The following OSBPL5 variants were observed in gnomAD, a reference collection of about 807,000 sequenced individuals.
The protein encoded by OSBPL5 is oxysterol-binding protein-related protein 5.
In OSBPL5, 71 loss-of-function variants were observed where a neutral mutation model predicts 111.2. The observed-to-expected ratio is 0.64, with a 90% CI of 0.53 to 0.78. The LOEUF is 0.78. Among genes scored for constraint, OSBPL5 ranks in the 30% least tolerant of loss-of-function variants. The pLI, the probability that OSBPL5 is intolerant of heterozygous loss-of-function variation, is 0.00. For missense variants in OSBPL5, 1,210 were observed against 1,189.3 expected (o/e 1.02, Z -0.26); for synonymous variants, 549 against 513.9 (o/e 1.07, Z -0.93).
chr11:3,104,699 CTG>C lies in OSBPL5; in HGVS notation c.1060-324_1060-323del, dbSNP rs539267444. Among the ~76,000 whole-genome samples, 1 of 152,306 alleles carries C rather than the reference CTG, an allele frequency of 6.6e-6. No homozygotes were observed. Among genetic ancestry groups the C allele is most frequent in the South Asian group, 2.1e-4 (1 of 4,828 alleles). On this transcript the variant is annotated intron_variant, in intron 9 of 21. Transcript: ENST00000263650. The surrounding 1 kb of genome is among the most constrained non-coding windows in gnomAD (Gnocchi z 5.0). ...CCCAACACCTGCTGTTGAAACCTGT[CTG>C]TGCATCGTGGGACCCTGGGCCCAGG...
In OSBPL5 at chr11:3,130,343, C is replaced by T. The variant is rs1028684943; in HGVS notation, c.-21-1174G>A. Among the ~76,000 whole-genome samples the T allele has an allele frequency of 1.1e-4, 17 of 152,258 alleles. No individual in the cohort carries two copies. Among genetic ancestry groups the T allele is most frequent in the Admixed American group, 1.1e-3 (17 of 15,288 alleles). Reference sequence around the variant, plus strand: ...CTGCTTCCTGCTGCCTCAGGGCAGGCCAGTGGCATCCTGCCAAGCCCGGGA... The same window carrying T: ...CTGCTTCCTGCTGCCTCAGGGCAGGTCAGTGGCATCCTGCCAAGCCCGGGA... On this transcript the variant is annotated intron_variant, in intron 1 of 21. Coordinates refer to ENST00000263650, the MANE Select transcript of OSBPL5 (RefSeq NM_020896.4). This position sits in a 1 kb window ranked among gnomAD's most constrained non-coding sequence, Gnocchi z 4.5.
chr11:3,150,345 T>C (rs1252536655), intron 1 of OSBPL5, among the ~76,000 whole-genome samples: 1 of 152,174 alleles, frequency 6.6e-6, no homozygotes, highest in African/African-American at 2.4e-5. Flanking sequence ...TAAACATGTC[T>C]GATGCAACCA....
chr11:3,143,691 G>A (rs112459483), intron 1 of OSBPL5, among the ~76,000 whole-genome samples: 6,513 of 152,342 alleles, frequency 0.043, 188 homozygotes, highest in African/African-American at 0.078. Flanking sequence ...GCTTGCCAGG[G>A]CCCGGCCCGG....
rs150218714 is a variant in OSBPL5 at position 3,121,954 on chromosome 11, G to A, written c.402+43C>T. On this transcript the variant is annotated intron_variant, in intron 5 of 21. Transcript: ENST00000263650. The surrounding 1 kb of genome is among the most constrained non-coding windows in gnomAD (Gnocchi z 4.3). ...TGGTCCTTTGTTATGGCAGCAGCAC[G>A]CTGACCCGTGTCCTGGGTGGCCGGA... 1,337 of 1,506,046 alleles carry A rather than the reference G, an allele frequency of 8.9e-4. 2 individuals carry two copies. The highest frequency in any genetic ancestry group is 9.5e-4 in the Non-Finnish European group (1,060 of 1,117,678). The allele number at this position is 1,506,046 out of a possible 1,614,324, so 93.3% of individuals were successfully genotyped here.
Position 3,092,984 on chromosome 11 carries a change from G to A in OSBPL5, c.2015C>T (p.Ala672Val). ...CCGCTGCCGCTGTGCCTCCTCCAGTGCAAACTTCTCCTGTGTGGCCCTGTG... is the reference window on the plus strand; with the variant it reads ...CCGCTGCCGCTGTGCCTCCTCCAGTACAAACTTCTCCTGTGTGGCCCTGTG... ...DQHRATQEKFALEEAQRQRAR... is the reference protein window; with the variant it reads ...DQHRATQEKFVLEEAQRQRAR... Residue 672 changes from alanine to valine, a missense_variant, in exon 18 of 22, where the codon GCA becomes GTA. Transcript: ENST00000263650. The surrounding 1 kb of genome is among the most constrained non-coding windows in gnomAD (Gnocchi z 5.4). 1 of 1,605,316 alleles carries A rather than the reference G, an allele frequency of 6.2e-7. No individual in the cohort carries two copies. Among genetic ancestry groups the A allele is most frequent in the Non-Finnish European group, 8.5e-7 (1 of 1,177,452 alleles).
In OSBPL5 at chr11:3,129,054, A is replaced by C; in HGVS notation, c.95T>G (p.Leu32Trp). 1 of 1,587,388 alleles carries C rather than the reference A, an allele frequency of 6.3e-7. No individual in the cohort carries two copies. The highest frequency in any genetic ancestry group is 1.1e-5 in the South Asian group (1 of 88,348). ...GAGCTCATTGTCTCCGCTGAGGAGCAAGTTCCGGGTGAGCTTCCGGGGGTC... is the reference window on the plus strand; with the variant it reads ...GAGCTCATTGTCTCCGCTGAGGAGCCAGTTCCGGGTGAGCTTCCGGGGGTC... ...KVDPRKLTRN[L>W]LLSGDNELYP... The change falls in exon 2 of 22, where the codon TTG becomes TGG. Residue 32 changes from leucine (L) to tryptophan (W), a missense_variant. Transcript: ENST00000263650.
Position 3,158,011 on chromosome 11 carries a change from C to T in OSBPL5, c.-22+7205G>A, listed in dbSNP as rs115982506. 8.2e-3 allele frequency among the ~76,000 whole-genome samples: 1,245 copies of T among 152,306 alleles called. 25 individuals carry two copies. Among genetic ancestry groups the T allele is most frequent in the African/African-American group, 0.029 (1,186 of 41,576 alleles). ...TGAGCCTTCGTGGGAGCCTGGCTGC[C>T]GGGCTGGGGAGAATGACCCACTCTG... On this transcript the variant is annotated intron_variant, in intron 1 of 21. Transcript: ENST00000263650.
rs1330498067 is a variant in OSBPL5 at position 3,107,974 on chromosome 11, C to T, written c.692-29G>A. On this transcript the variant is annotated intron_variant, in intron 7 of 21. Coordinates refer to ENST00000263650, the MANE Select transcript of OSBPL5 (RefSeq NM_020896.4). The surrounding 1 kb of genome is among the most constrained non-coding windows in gnomAD (Gnocchi z 6.1). ...CGGGGCACACGGGATGAGCATGCCC[C>T]ACCCCCACCTCTGTATATCCCGCAT... is the stretch of plus-strand genomic sequence containing the variant. 4.7e-6 allele frequency: 3 copies of T among 633,656 alleles called. No individual in the cohort carries two copies. Among genetic ancestry groups the T allele is most frequent in the Non-Finnish European group, 4.5e-6 (2 of 447,088 alleles). 39.3% of individuals were successfully genotyped at this position (633,656 alleles called of 1,614,324 possible). A position where few individuals can be genotyped will look rare whatever the true frequency, so the allele number is the denominator to read the frequency against.
At chr11:3,137,530 G>A (rs959122775) in intron 1 of OSBPL5, among the ~76,000 whole-genome samples, 2 of 152,216 alleles carry the variant, frequency 1.3e-5, no homozygotes, top group Non-Finnish European at 2.9e-5. Flanking sequence ...TGGGCCGGGT[G>A]TACTGCACCT....
rs1857651576 is a variant in OSBPL5 at position 3,105,197 on chromosome 11, G to T, written c.1060-820C>A. 6.6e-6 allele frequency among the ~76,000 whole-genome samples: 1 copy of T among 152,226 alleles called. No homozygotes were observed. Among genetic ancestry groups the T allele is most frequent in the South Asian group, 2.1e-4 (1 of 4,832 alleles). ...CACGGCTGCTATGCGGCAGAGGTCA[G>T]ATCTGAACTCAGGGCTCTCTGCATT... is the stretch of plus-strand genomic sequence containing the variant. On this transcript the variant is annotated intron_variant, in intron 9 of 21. Coordinates refer to ENST00000263650, the MANE Select transcript of OSBPL5 (RefSeq NM_020896.4). The surrounding 1 kb of genome is among the most constrained non-coding windows in gnomAD (Gnocchi z 5.2).
rs1461597860 is a variant in OSBPL5, at chr11:3,153,564, C to T, written c.-22+11652G>A. ...GGGGCTGATGACGCCAGCACCGTCG[C>T]TAGGGCTGAGGCCCAGGAATAATGA... On this transcript the variant is annotated intron_variant, in intron 1 of 21. Coordinates refer to ENST00000263650, the MANE Select transcript of OSBPL5 (RefSeq NM_020896.4). 2.0e-5 allele frequency among the ~76,000 whole-genome samples: 3 copies of T among 152,290 alleles called. No homozygotes were observed. The East Asian group carries it at 5.8e-4, about 29-fold the overall frequency.
intron 1 of OSBPL5, among the ~76,000 whole-genome samples, chr11:3,138,745 G>A (rs975144285): frequency 1.3e-5 from 2 of 152,352 alleles, no homozygotes; most frequent in Admixed American, 6.5e-5. Context: ...GCCACCCCCA[G>A]TGGACGGCCC....
Position 3,140,815 on chromosome 11 carries a change from G to A in OSBPL5, c.-21-11646C>T, listed in dbSNP as rs1172416391. 3.9e-5 allele frequency among the ~76,000 whole-genome samples: 6 copies of A among 152,080 alleles called. No homozygotes were observed. Among genetic ancestry groups the A allele is most frequent in the Admixed American group, 3.9e-4 (6 of 15,286 alleles). On this transcript the variant is annotated intron_variant, in intron 1 of 21. Coordinates refer to ENST00000263650, the MANE Select transcript of OSBPL5 (RefSeq NM_020896.4). This position sits in a 1 kb window ranked among gnomAD's most constrained non-coding sequence, Gnocchi z 4.5. Reference sequence around the variant, plus strand: ...TGTCCAGGAGCTGAGGCTGCCCCTGGGTGTATCAAGGTGAGGTGCCTACCC... The same window carrying A: ...TGTCCAGGAGCTGAGGCTGCCCCTGAGTGTATCAAGGTGAGGTGCCTACCC...
At chr11:3,093,907 G>A in intron 15 of OSBPL5, 72 bp from the exon 16 acceptor site, 1 of 1,512,690 alleles carries the variant, frequency 6.6e-7, no homozygotes, top group East Asian at 2.4e-5. Flanking sequence ...CCTCATGGGG[G>A]CACGGAACAG....
intron 2 of OSBPL5, among the ~76,000 whole-genome samples, chr11:3,128,280 C>T (rs1333110730): frequency 6.6e-6 from 1 of 152,146 alleles, no homozygotes; most frequent in African/African-American, 2.4e-5. Flanking sequence ...TTCCTCAGCC[C>T]CAAAGCAGGC....
intron 1 of OSBPL5, among the ~76,000 whole-genome samples, chr11:3,139,834 G>T (rs550786658): frequency 1.1e-4 from 17 of 152,324 alleles, no homozygotes; most frequent in African/African-American, 3.8e-4. Context: ...CCAGCCACGC[G>T]CCCTGAAGGA....
intron 14 of OSBPL5, among the ~76,000 whole-genome samples, chr11:3,097,703 T>C (rs1453006199): frequency 2.0e-5 from 3 of 152,168 alleles, no homozygotes; most frequent in African/African-American, 7.2e-5. Context: ...ACAACTGTGC[T>C]TATTACAATG....
chr11:3,156,401 C>T (rs1460214571), intron 1 of OSBPL5, among the ~76,000 whole-genome samples: 1 of 152,206 alleles, frequency 6.6e-6, no homozygotes, highest in Non-Finnish European at 1.5e-5. Flanking sequence ...GCGACTCTAA[C>T]ACGATCAGAA....
intron 1 of OSBPL5, among the ~76,000 whole-genome samples, chr11:3,152,913 C>T (rs377522979): frequency 1.3e-5 from 2 of 152,318 alleles, no homozygotes; most frequent in South Asian, 2.1e-4. Flanking sequence ...CCTCCTGCCG[C>T]GTCCGTCCGC....
Sources: allele counts gnomAD v4.1 joint callset (sites outside exome capture counted in the v4.1 genomes callset), GRCh38; gene constraint gnomAD v4.1.1; non-coding constraint Gnocchi (gnomAD v3.1); transcripts MANE v1.5; gene names NCBI Gene and HGNC (gene_info 2026-07-23, HGNC 2026-07-21).